DNAH14: variants seen among roughly 807,000 people sequenced by gnomAD.
DNAH14 encodes the protein dynein axonemal heavy chain 14.
In DNAH14, 478 loss-of-function variants were observed where a neutral mutation model predicts 520.9. The observed-to-expected ratio is 0.92, with a 90% CI of 0.85 to 0.99. The LOEUF (loss-of-function observed/expected upper bound fraction) is 0.99, where lower values mean the gene tolerates loss of function less well. Among genes scored for constraint, DNAH14 ranks in the 50% least tolerant of loss-of-function variants. The probability of loss-of-function intolerance (pLI) is 0.00; values close to 1 mark genes in which losing one functional copy is unlikely to be tolerated. For missense variants in DNAH14, 4,831 were observed against 5,234.5 expected (o/e 0.92, Z 2.38); for synonymous variants, 1,581 against 1,757.2 (o/e 0.90, Z 2.51).
At chr1:225,289,603 A>G (rs1356331768) in intron 54 of DNAH14, among the ~76,000 whole-genome samples, 5 of 152,090 alleles carry the variant, frequency 3.3e-5, no homozygotes, top group African/African-American at 9.6e-5. Context: ...TTATAAGCCT[A>G]TCTGTGCTTT....
intron 85 of DNAH14, among the ~76,000 whole-genome samples, 193 bp from the exon 86 acceptor site, chr1:225,398,861 A>G (rs2096061450): frequency 6.6e-6 from 1 of 152,216 alleles, no homozygotes; most frequent in African/African-American, 2.4e-5. Flanking sequence ...CATGTTCTCA[A>G]TAATATGTAC....
chr1:225,216,799 A>G (rs1323194256), intron 41 of DNAH14, among the ~76,000 whole-genome samples: 1 of 152,132 alleles, frequency 6.6e-6, no homozygotes, highest in African/African-American at 2.4e-5. Context: ...CATTCGTCTA[A>G]TCTTTTTTCA....
At chr1:224,978,052 C>T (rs553358869) in intron 8 of DNAH14, among the ~76,000 whole-genome samples, 2 of 152,282 alleles carry the variant, frequency 1.3e-5, no homozygotes, top group South Asian at 2.1e-4. Context: ...AACTCTTATA[C>T]ACTGTTGGTG....
chr1:224,991,352 G>T (rs1309679527), intron 8 of DNAH14, among the ~76,000 whole-genome samples: 1 of 150,572 alleles, frequency 6.6e-6, no homozygotes, highest in East Asian at 2.0e-4. Flanking sequence ...TGATCTGCCT[G>T]CCTTGGCCTC....
Position 225,308,366 on chromosome 1 carries a change from GAA to G in DNAH14, c.9198_9199del (p.Glu3066AspfsTer19). ...KVQMLVKQDE[E>X]IVAEEVRIVE... ...TCAGATGCTTGTTAAACAGGATGAA[GAA>G]ATTGTGGCAGAAGAAGTAAGAATTG... On this transcript the variant is annotated frameshift_variant, in exon 60 of 86. Transcript: ENST00000682510. LOFTEE classifies it high-confidence loss of function. The G allele has an allele frequency of 6.5e-7, 1 of 1,542,368 alleles. No individual in the cohort carries two copies. Among genetic ancestry groups the G allele is most frequent in the Non-Finnish European group, 8.7e-7 (1 of 1,144,618 alleles).
At position 225,123,598 on chromosome 1, in the gene DNAH14, A is replaced by G; in HGVS notation, c.4238A>G (p.Gln1413Arg). 1 of 425,358 alleles carries G rather than the reference A, an allele frequency of 2.4e-6. No individual in the cohort carries two copies. The highest frequency in any genetic ancestry group is 4.9e-6 in the Non-Finnish European group (1 of 202,360). The allele number at this position is 425,358 out of a possible 1,614,324, so 26.3% of individuals were successfully genotyped here. The change falls in exon 27 of 86, where the codon CAA (glutamine) becomes CGA (arginine). Residue 1413 changes from glutamine (Q) to arginine (R), a missense_variant. Gln to Arg is a conservative substitution (Grantham distance 43). Coordinates refer to ENST00000682510, the MANE Select transcript of DNAH14 (RefSeq NM_001367479.1). The part of the protein sequence containing the change: ...FSQWVLSHPG[Q>R]VVLTVSQIMF... The stretch of plus-strand genomic sequence containing the variant: ...CAATGGGTGTTATCTCATCCAGGAC[A>G]AGTGGTACTTACTGTGGTAAGTTAA...
intron 27 of DNAH14, among the ~76,000 whole-genome samples, chr1:225,128,984 T>C (rs2078078782): frequency 6.6e-6 from 1 of 152,030 alleles, no homozygotes; most frequent in Non-Finnish European, 1.5e-5. Context: ...GGATACAAAA[T>C]CAATGCACAA....
At chr1:224,990,474 A>AC (rs1028977278) in intron 8 of DNAH14, among the ~76,000 whole-genome samples, 4 of 151,858 alleles carry the variant, frequency 2.6e-5, no homozygotes, top group African/African-American at 4.8e-5. Context: ...CATTTCCCCT[A>AC]CCCTCAGCCT....
chr1:225,146,847 C>T (rs2079994148), intron 30 of DNAH14, among the ~76,000 whole-genome samples: 1 of 152,042 alleles, frequency 6.6e-6, no homozygotes, highest in Non-Finnish European at 1.5e-5. Flanking sequence ...AGCTGTGGCC[C>T]TGTCTTCACG....
chr1:225,374,172 T>TATATATATATA (rs2095660126), intron 77 of DNAH14, among the ~76,000 whole-genome samples: 1 of 88,906 alleles, frequency 1.1e-5, no homozygotes, highest in Non-Finnish European at 2.4e-5. Flanking sequence ...TATATATATA[T>TATATATATATA]ATATATATAT....
intron 28 of DNAH14, among the ~76,000 whole-genome samples, chr1:225,142,244 G>C (rs1478548102): frequency 6.6e-6 from 1 of 152,126 alleles, no homozygotes; most frequent in Non-Finnish European, 1.5e-5. Flanking sequence ...GAAAAGAGAA[G>C]ATTCTAATAA....
rs1005795018 is a variant in DNAH14 at position 225,044,051 on chromosome 1, CT to C, written c.1912+69del. ...GCAATATTTTTTTAAATTTAAGCAT[CT>C]GATGCCTTTACCCAGGGATGTGGCA... On this transcript the variant is annotated intron_variant, in intron 15 of 85. Coordinates refer to ENST00000682510, the MANE Select transcript of DNAH14 (RefSeq NM_001367479.1). 2.7e-5 allele frequency: 24 copies of C among 903,220 alleles called. No individual in the cohort carries two copies. The African/African-American group carries it at 3.6e-4, about 13-fold the overall frequency. The allele number at this position is 903,220 out of a possible 1,614,324, so 56.0% of individuals were successfully genotyped here. A position where few individuals can be genotyped will look rare whatever the true frequency, so the allele number is the denominator to read the frequency against.
At chr1:224,970,002 C>A (rs1245770695) in intron 7 of DNAH14, among the ~76,000 whole-genome samples, 3 of 152,140 alleles carry the variant, frequency 2.0e-5, no homozygotes, top group Non-Finnish European at 4.4e-5. Flanking sequence ...AGGATAACAG[C>A]AATGTTCAGG....
At position 225,357,687 on chromosome 1, in the gene DNAH14, TTA is replaced by T. The variant is rs1485687122; in HGVS notation, c.11620-808_11620-807del. 6 of 666,814 alleles carry T rather than the reference TTA, an allele frequency of 9.0e-6. No individual in the cohort carries two copies. The African/African-American group carries it at 1.1e-4, about 12-fold the overall frequency. 41.3% of individuals were successfully genotyped at this position (666,814 alleles called of 1,614,324 possible). A position where few individuals can be genotyped will look rare whatever the true frequency, so the allele number is the denominator to read the frequency against. On this transcript the variant is annotated intron_variant, in intron 73 of 85. Transcript: ENST00000682510. ...CAGCATAATGATTAAATGTGCTGTG[TTA>T]AACATATTGCCAATATTTGACAGTT...
At chr1:225,191,332 T>G (rs1207540538) in intron 37 of DNAH14, among the ~76,000 whole-genome samples, 2 of 152,068 alleles carry the variant, frequency 1.3e-5, no homozygotes, top group Non-Finnish European at 2.9e-5. Context: ...TAAGATGGTT[T>G]TGCTGCATAT....
At chr1:225,162,956 G>A (rs1472538629) in intron 35 of DNAH14, among the ~76,000 whole-genome samples, 3 of 151,710 alleles carry the variant, frequency 2.0e-5, no homozygotes, top group Non-Finnish European at 4.4e-5. Context: ...GGTCAACATG[G>A]TGAAACCTTG....
chr1:225,248,969 G>A (rs1233949778), intron 43 of DNAH14, among the ~76,000 whole-genome samples: 1 of 152,188 alleles, frequency 6.6e-6, no homozygotes, highest in Non-Finnish European at 1.5e-5. Context: ...CTCATCCAGT[G>A]CTCATTTCCC....
chr1:225,183,047 CG>C (rs1465879589), intron 36 of DNAH14, among the ~76,000 whole-genome samples: 3 of 147,414 alleles, frequency 2.0e-5, no homozygotes, highest in Admixed American at 1.4e-4. Context: ...CCAGGCAGTG[CG>C]GTGTGAAGAG....
chr1:225,244,618 A>G (rs1158166727), intron 43 of DNAH14, among the ~76,000 whole-genome samples: 1 of 152,024 alleles, frequency 6.6e-6, no homozygotes, highest in Non-Finnish European at 1.5e-5. Flanking sequence ...CTTTTCTTCT[A>G]GATTTCTAGT....
Sources: gnomAD v4.1 joint callset for allele counts (sites outside exome capture counted in the v4.1 genomes callset) on GRCh38, gnomAD v4.1.1 for gene constraint, MANE v1.5 for transcripts, NCBI Gene and HGNC (gene_info 2026-07-23, HGNC 2026-07-21) for gene names.